Variants in RSRC1 observed in about 807,000 individuals in gnomAD.
RSRC1 encodes the protein arginine and serine rich coiled-coil 1.
Under a neutral mutation model 49.1 loss-of-function variants are expected in RSRC1, and 39 were observed. The observed-to-expected ratio is 0.79, with a 90% CI of 0.61 to 1.04. The LOEUF is 1.04. Among genes scored for constraint, RSRC1 ranks in the 50% least tolerant of loss-of-function variants. The pLI is 0.00. For missense variants in RSRC1, 388 were observed against 402.4 expected (o/e 0.96, Z 0.31); for synonymous variants, 143 against 130.8 (o/e 1.09, Z -0.63).
chr3:158,176,967 C>A (rs1253467918), intron 3 of RSRC1, among the ~76,000 whole-genome samples: 1 of 151,942 alleles, frequency 6.6e-6, no homozygotes, highest in Non-Finnish European at 1.5e-5. Flanking sequence ...CAACCCCATC[C>A]AAAAGTGGGC....
At chr3:158,112,242 C>T (rs1431497798) in intron 1 of RSRC1, among the ~76,000 whole-genome samples, 2 of 152,208 alleles carry the variant, frequency 1.3e-5, no homozygotes, top group Non-Finnish European at 2.9e-5. Context: ...ATGTGTCTTT[C>T]CATTCATTGC....
intron 3 of RSRC1, among the ~76,000 whole-genome samples, chr3:158,142,135 C>T (rs920423885): frequency 2.0e-5 from 3 of 152,156 alleles, no homozygotes; most frequent in Admixed American, 1.3e-4. Context: ...ATTTCTCCTA[C>T]CATGAGGATT....
intron 5 of RSRC1, among the ~76,000 whole-genome samples, chr3:158,342,223 A>G (rs1730285878): frequency 6.6e-6 from 1 of 152,156 alleles, no homozygotes; most frequent in African/African-American, 2.4e-5. Flanking sequence ...ATGTGAGGAC[A>G]TGACATTTGG....
chr3:158,362,890 C>A (rs1731555085), intron 6 of RSRC1, among the ~76,000 whole-genome samples: 1 of 152,202 alleles, frequency 6.6e-6, no homozygotes. Flanking sequence ...ACCTGTAACA[C>A]AATTTTCTTT....
intron 4 of RSRC1, among the ~76,000 whole-genome samples, chr3:158,215,904 T>G (rs990759028): frequency 1.1e-4 from 16 of 151,774 alleles, no homozygotes; most frequent in African/African-American, 3.6e-4. Context: ...GTTGTAGGGT[T>G]AATTTTAAGT....
intron 4 of RSRC1, among the ~76,000 whole-genome samples, chr3:158,232,649 ATTGAACT>A (rs2107973405): frequency 6.6e-6 from 1 of 152,276 alleles, no homozygotes; most frequent in African/African-American, 2.4e-5. Context: ...TTAAGTTAGT[ATTGAACT>A]TTAAGAATGA....
intron 4 of RSRC1, among the ~76,000 whole-genome samples, chr3:158,284,006 G>C (rs1726343430): frequency 6.6e-6 from 1 of 151,086 alleles, no homozygotes; most frequent in African/African-American, 2.4e-5. Context: ...TCCTCATTTA[G>C]CATTAGGTAT....
chr3:158,334,027 G>A (rs1439080171), intron 5 of RSRC1, among the ~76,000 whole-genome samples: 1 of 152,112 alleles, frequency 6.6e-6, no homozygotes, highest in Non-Finnish European at 1.5e-5. Context: ...TTATATAATT[G>A]TTTAAAATAA....
intron 3 of RSRC1, among the ~76,000 whole-genome samples, chr3:158,127,756 G>GTTTT (rs34766107): frequency 3.6e-4 from 29 of 81,258 alleles, no homozygotes; most frequent in African/African-American, 1.3e-3. Flanking sequence ...CTGCTTTGTG[G>GTTTT]TTTTTTTTTT....
At chr3:158,472,925 A>C (rs1253073143) in intron 7 of RSRC1, among the ~76,000 whole-genome samples, 3 of 152,160 alleles carry the variant, frequency 2.0e-5, no homozygotes, top group Non-Finnish European at 4.4e-5. Context: ...CCCATGCATC[A>C]CTGGCCATCA....
chr3:158,522,346 A>T (rs1195139442), intron 7 of RSRC1, among the ~76,000 whole-genome samples: 1 of 151,982 alleles, frequency 6.6e-6, no homozygotes, highest in Non-Finnish European at 1.5e-5. Context: ...TCACTCTGTC[A>T]TCCTGGCTAG....
chr3:158,154,848 C>T (rs759336381), intron 3 of RSRC1, among the ~76,000 whole-genome samples: 2 of 152,134 alleles, frequency 1.3e-5, no homozygotes, highest in Admixed American at 6.6e-5. Flanking sequence ...AATCCTTTGC[C>T]GTGATTTCAG....
rs572515238 is a variant in RSRC1, at chr3:158,126,472, C to T, written c.320+2481C>T. On this transcript the variant is annotated intron_variant, in intron 3 of 9. Coordinates refer to ENST00000611884, the MANE Select transcript of RSRC1 (RefSeq NM_001271838.2). ...CCTTTGACTTTATACAAAAATACTG[C>T]TCTTGTATGTTTCTCCACTTCTATT... is the stretch of plus-strand genomic sequence containing the variant. 1.4e-4 allele frequency among the ~76,000 whole-genome samples: 21 copies of T among 152,100 alleles called. 1 individual carries two copies. The South Asian group carries it at 4.4e-3, about 32-fold the overall frequency.
chr3:158,302,879 T>A (rs576836002), intron 5 of RSRC1: 1 of 152,052 alleles, frequency 6.6e-6, no homozygotes, highest in Admixed American at 6.6e-5. Context: ...TTGGCCAGGC[T>A]GGCCTCAAAC....
At chr3:158,512,745 G>A (rs893360868) in intron 7 of RSRC1, among the ~76,000 whole-genome samples, 1 of 151,584 alleles carries the variant, frequency 6.6e-6, no homozygotes, top group African/African-American at 2.4e-5. Context: ...TCCTACCCAT[G>A]AGCATGGAAT....
chr3:158,133,247 C>G (rs997479333), intron 3 of RSRC1, among the ~76,000 whole-genome samples: 1 of 151,798 alleles, frequency 6.6e-6, no homozygotes, highest in East Asian at 1.9e-4. Flanking sequence ...AGAAATGATC[C>G]AGTTGATTTT....
intron 6 of RSRC1, among the ~76,000 whole-genome samples, chr3:158,415,481 A>G (rs12629125): frequency 0.5 from 75,904 of 151,366 alleles, 19,277 homozygotes; most frequent in South Asian, 0.6. Flanking sequence ...ATTATTTACT[A>G]CTGAGTGACT....
chr3:158,470,361 C>CACACACACATATAT (rs756776025), intron 7 of RSRC1, among the ~76,000 whole-genome samples: 1 of 100,310 alleles, frequency 1.0e-5, no homozygotes, highest in Non-Finnish European at 2.3e-5. Flanking sequence ...CACACACACA[C>CACACACACATATAT]ATATATATAT....
At chr3:158,355,098 A>G (rs775409927) in intron 6 of RSRC1, 190 bp downstream of exon 6, 1 of 417,522 alleles carries the variant, frequency 2.4e-6, no homozygotes, top group Non-Finnish European at 4.3e-6. Context: ...TGCTAAGTGT[A>G]TTGCTAACAG....
Sources: allele counts gnomAD v4.1 joint callset (sites outside exome capture counted in the v4.1 genomes callset), GRCh38; gene constraint gnomAD v4.1.1; transcripts MANE v1.5; gene names NCBI Gene and HGNC (gene_info 2026-07-23, HGNC 2026-07-21).